ANKS1B: variants seen among roughly 807,000 people sequenced by gnomAD.
ANKS1B encodes ankyrin repeat and sterile alpha motif domain containing 1B.
In ANKS1B, 36 loss-of-function variants were observed where a neutral mutation model predicts 148.3. The observed-to-expected ratio is 0.24, with a 90% CI of 0.19 to 0.32. The LOEUF is 0.32. Among genes scored for constraint, ANKS1B ranks in the 10% least tolerant of loss-of-function variants. The pLI is 1.00. For missense variants in ANKS1B, 1,157 were observed against 1,542.6 expected (o/e 0.75, Z 4.19); for synonymous variants, 542 against 560.8 (o/e 0.97, Z 0.47).
intron 9 of ANKS1B, among the ~76,000 whole-genome samples, chr12:99,653,243 T>C (rs1471946124): frequency 6.6e-6 from 1 of 152,206 alleles, no homozygotes; most frequent in Non-Finnish European, 1.5e-5. Context: ...GAAAATCAGA[T>C]ACAATCATAT....
At chr12:99,471,232 A>G (rs1229028396) in intron 10 of ANKS1B, among the ~76,000 whole-genome samples, 1 of 152,094 alleles carries the variant, frequency 6.6e-6, no homozygotes, top group African/African-American at 2.4e-5. Context: ...TTGTTCCTAT[A>G]TCCTCACAAA....
chr12:99,807,446 C>T (rs2067771191), intron 3 of ANKS1B, among the ~76,000 whole-genome samples: 1 of 152,000 alleles, frequency 6.6e-6, no homozygotes, highest in Non-Finnish European at 1.5e-5. Context: ...CAGAGGGACC[C>T]TTCAGACTAT....
chr12:99,637,105 A>G (rs1292321013), intron 9 of ANKS1B, among the ~76,000 whole-genome samples: 1 of 152,126 alleles, frequency 6.6e-6, no homozygotes, highest in East Asian at 1.9e-4. Context: ...CAGGAGTTCA[A>G]GATCAGCCTG....
intron 12 of ANKS1B, among the ~76,000 whole-genome samples, chr12:99,278,764 G>C (rs1467701978): frequency 6.6e-6 from 1 of 152,136 alleles, no homozygotes; most frequent in Non-Finnish European, 1.5e-5. Context: ...AATAAATGGA[G>C]AAAGGTAAAT....
intron 10 of ANKS1B, among the ~76,000 whole-genome samples, chr12:99,448,715 A>T (rs1478618838): frequency 6.6e-6 from 1 of 152,090 alleles, no homozygotes; most frequent in Non-Finnish European, 1.5e-5. Context: ...AAATAATTAA[A>T]TTTTTTAAAA....
chr12:98,832,005 C>T (rs918021429), intron 18 of ANKS1B, 24 bp downstream of exon 18: 5 of 1,550,210 alleles, frequency 3.2e-6, no homozygotes, highest in Non-Finnish European at 4.4e-6. Context: ...GGCAGAGAAC[C>T]AGATGAATGT....
At chr12:99,220,971 T>G (rs1315507535) in intron 14 of ANKS1B, among the ~76,000 whole-genome samples, 1 of 152,174 alleles carries the variant, frequency 6.6e-6, no homozygotes. Context: ...GGAGGCCTTT[T>G]TAATAATAAT....
intron 9 of ANKS1B, among the ~76,000 whole-genome samples, chr12:99,532,663 T>C (rs1447256738): frequency 6.6e-6 from 1 of 152,150 alleles, no homozygotes; most frequent in East Asian, 1.9e-4. Context: ...CCTGGTCACA[T>C]TTAAGTTTTT....
At chr12:99,253,535 C>T (rs2074899861) in intron 12 of ANKS1B, among the ~76,000 whole-genome samples, 1 of 152,036 alleles carries the variant, frequency 6.6e-6, no homozygotes. Context: ...GACATCCCTT[C>T]TCATTAAACG....
At chr12:98,753,023 C>A (rs1324695907) in intron 25 of ANKS1B, among the ~76,000 whole-genome samples, 1 of 152,160 alleles carries the variant, frequency 6.6e-6, no homozygotes, top group Non-Finnish European at 1.5e-5. Flanking sequence ...GCCAATTCCC[C>A]AGCTATTTCT....
intron 12 of ANKS1B, chr12:99,351,959 C>T (rs1392131465): frequency 6.6e-6 from 1 of 151,978 alleles, no homozygotes; most frequent in Non-Finnish European, 1.5e-5. Flanking sequence ...ATTTATTGAA[C>T]ATAGGAGAAA....
rs10860398 is a variant in ANKS1B, at chr12:99,139,355, C to T, written c.2526+14934G>A. On this transcript the variant is annotated intron_variant, in intron 15 of 26. Coordinates refer to ENST00000683438, the MANE Select transcript of ANKS1B (RefSeq NM_001352186.2). ...CTCTTTCCCTACCTTCCCTCCCTCCCTCCCTCCCTCCCTCCCTCCCTCCCT... is the reference window on the plus strand; with the variant it reads ...CTCTTTCCCTACCTTCCCTCCCTCCTTCCCTCCCTCCCTCCCTCCCTCCCT... 8.6e-4 allele frequency among the ~76,000 whole-genome samples: 2 copies of T among 2,338 alleles called. 1 individual carries two copies. The highest frequency in any genetic ancestry group is 1.4e-3 in the Non-Finnish European group (2 of 1,438). 1.5% of individuals were successfully genotyped at this position (2,338 alleles called of 152,430 possible).
At chr12:98,871,796 A>G (rs2099670775) in intron 17 of ANKS1B, among the ~76,000 whole-genome samples, 3 of 152,190 alleles carry the variant, frequency 2.0e-5, no homozygotes, top group Non-Finnish European at 4.4e-5. Context: ...GGAACAAATT[A>G]CTGGAATTTA....
intron 14 of ANKS1B, chr12:99,154,844 C>T: frequency 5.2e-6 from 8 of 1,528,716 alleles, no homozygotes; most frequent in Non-Finnish European, 7.0e-6. Context: ...CTTGCTCCCC[C>T]TCGCTCGCTC....
At chr12:99,362,105 A>G (rs1440582034) in intron 12 of ANKS1B, among the ~76,000 whole-genome samples, 4 of 152,074 alleles carry the variant, frequency 2.6e-5, no homozygotes, top group African/African-American at 9.6e-5. Flanking sequence ...TCATAAGGAC[A>G]TTGCACAGCT....
chr12:99,103,160 T>A (rs1373258853), intron 15 of ANKS1B, among the ~76,000 whole-genome samples: 1 of 152,012 alleles, frequency 6.6e-6, no homozygotes, highest in Non-Finnish European at 1.5e-5. Context: ...GAATCCTTAC[T>A]CCTGAAGCCC....
At chr12:99,214,576 G>T (rs1415489268) in intron 14 of ANKS1B, among the ~76,000 whole-genome samples, 1 of 152,158 alleles carries the variant, frequency 6.6e-6, no homozygotes, top group Non-Finnish European at 1.5e-5. Flanking sequence ...CCATGATTGT[G>T]AGGCCTCCTG....
chr12:99,120,995 C>T lies in ANKS1B; in HGVS notation c.2526+33294G>A, dbSNP rs192501048. On this transcript the variant is annotated intron_variant, in intron 15 of 26. Coordinates refer to ENST00000683438, the MANE Select transcript of ANKS1B (RefSeq NM_001352186.2). ...GCATATTAAGAGAATGATGACTAACCTAATTTGAGATTTAAAGGGATCTGA... is the reference window on the plus strand; with the variant it reads ...GCATATTAAGAGAATGATGACTAACTTAATTTGAGATTTAAAGGGATCTGA... Among the ~76,000 whole-genome samples the T allele has an allele frequency of 2.9e-3, 434 of 152,102 alleles. 4 individuals are homozygous for T. Among genetic ancestry groups the T allele is most frequent in the African/African-American group, 9.8e-3 (407 of 41,488 alleles).
At chr12:99,100,214 T>C (rs1011857300) in intron 15 of ANKS1B, among the ~76,000 whole-genome samples, 1 of 152,228 alleles carries the variant, frequency 6.6e-6, no homozygotes, top group African/African-American at 2.4e-5. Flanking sequence ...CTTCACTAGA[T>C]GTTAATTAGA....
Sources: allele counts gnomAD v4.1 joint callset (sites outside exome capture counted in the v4.1 genomes callset), GRCh38; gene constraint gnomAD v4.1.1; transcripts MANE v1.5; gene names NCBI Gene and HGNC (gene_info 2026-07-23, HGNC 2026-07-21).